ZCWPW2: variants seen among roughly 807,000 people sequenced by gnomAD.
ZCWPW2 encodes the protein zinc finger CW-type and PWWP domain containing 2, also known as zinc finger CW-type PWWP domain protein 2.
Under a neutral mutation model 46.6 loss-of-function variants are expected in ZCWPW2, and 45 were observed. That is an observed-to-expected ratio of 0.96 (90% CI 0.76 to 1.24). ZCWPW2 has a LOEUF of 1.24. Among genes scored for constraint, ZCWPW2 ranks in the 50% most tolerant of loss-of-function variants. ZCWPW2 has a pLI of 0.00. For missense variants in ZCWPW2, 429 were observed against 403.9 expected (o/e 1.06, Z -0.53); for synonymous variants, 152 against 137.1 (o/e 1.11, Z -0.76).
intron 5 of ZCWPW2, among the ~76,000 whole-genome samples, chr3:28,484,820 C>G (rs181528820): frequency 6.6e-6 from 1 of 151,824 alleles, no homozygotes; most frequent in African/African-American, 2.4e-5. Flanking sequence ...CTGCCTTCCT[C>G]TCTAGAGTCT....
chr3:28,487,762 G>A (rs988697203), intron 5 of ZCWPW2, among the ~76,000 whole-genome samples: 1 of 152,122 alleles, frequency 6.6e-6, no homozygotes, highest in Non-Finnish European at 1.5e-5. Context: ...GGGAGGGAAA[G>A]CATTCTATGT....
chr3:28,401,248 TGAATG>T (rs1191750894), intron 2 of ZCWPW2, among the ~76,000 whole-genome samples: 1 of 151,582 alleles, frequency 6.6e-6, no homozygotes, highest in Non-Finnish European at 1.5e-5. Flanking sequence ...GATAGAAAGA[TGAATG>T]GAATGGAACC....
chr3:28,487,889 A>AGTATTTT (rs1016340555), intron 5 of ZCWPW2, among the ~76,000 whole-genome samples: 48 of 152,146 alleles, frequency 3.2e-4, no homozygotes, highest in African/African-American at 1.0e-3. Context: ...GCTGGAGTTG[A>AGTATTTT]GTATTTTGCT....
chr3:28,523,809 A>G (rs1700784429), intron 9 of ZCWPW2, among the ~76,000 whole-genome samples: 1 of 152,136 alleles, frequency 6.6e-6, no homozygotes, highest in South Asian at 2.1e-4. Flanking sequence ...TTAAGCTAAT[A>G]TTAACATTGG....
chr3:28,476,916 C>T (rs969072227), intron 4 of ZCWPW2, among the ~76,000 whole-genome samples: 2 of 152,054 alleles, frequency 1.3e-5, no homozygotes, highest in African/African-American at 4.8e-5. Flanking sequence ...CCACAGCTGA[C>T]GTGACAGGAG....
At chr3:28,406,826 CTTTTTT>C (rs11337849) in intron 2 of ZCWPW2, among the ~76,000 whole-genome samples, 1 of 119,984 alleles carries the variant, frequency 8.3e-6, no homozygotes. Context: ...TCTTTTTTTT[CTTTTTT>C]TTTTTTTTTT....
In ZCWPW2 at chr3:28,463,582, C is replaced by T. The variant is rs529303136; in HGVS notation, c.493-15232C>T. Among the ~76,000 whole-genome samples, 11 of 152,154 alleles carry T rather than the reference C, an allele frequency of 7.2e-5. No homozygotes were observed. In the East Asian group the frequency reaches 2.1e-3, roughly 29 times the overall value. The stretch of plus-strand genomic sequence containing the variant: ...CTAAGTACAAAAATAATTATTTTTG[C>T]ATTGCAAAGTGAGGTACAAGAGTAT... On this transcript the variant is annotated intron_variant, in intron 4 of 9. Coordinates refer to ENST00000383768, the MANE Select transcript of ZCWPW2 (RefSeq NM_001040432.4).
chr3:28,424,479 T>G (rs2125751790), intron 3 of ZCWPW2, among the ~76,000 whole-genome samples: 1 of 152,172 alleles, frequency 6.6e-6, no homozygotes, highest in Non-Finnish European at 1.5e-5. Context: ...ACTGGCATCC[T>G]TATAAGAAGA....
intron 2 of ZCWPW2, among the ~76,000 whole-genome samples, chr3:28,406,816 T>C (rs556811455): frequency 1.5e-5 from 2 of 135,802 alleles, no homozygotes; most frequent in Non-Finnish European, 3.1e-5. Flanking sequence ...AATTTCCTTT[T>C]CTTTTTTTTC....
rs762824707 is a variant in ZCWPW2, at chr3:28,417,057, CTTTTTTT to C, written c.332+3668_332+3674del. On this transcript the variant is annotated intron_variant, in intron 3 of 9. Coordinates refer to ENST00000383768, the MANE Select transcript of ZCWPW2 (RefSeq NM_001040432.4). The stretch of plus-strand genomic sequence containing the variant: ...AAATGAGTTAGGCAGGATTCCCTCT[CTTTTTTT>C]TTTTTTTTTTGAAAAGGTCAACAAA... 6.4e-5 allele frequency among the ~76,000 whole-genome samples: 8 copies of C among 124,686 alleles called. No homozygotes were observed. In the South Asian group the frequency reaches 1.6e-3, roughly 24 times the overall value. The allele number at this position is 124,686 out of a possible 152,430, so 81.8% of individuals were successfully genotyped here.
At chr3:28,420,486 C>A (rs888451407) in intron 3 of ZCWPW2, among the ~76,000 whole-genome samples, 1 of 151,906 alleles carries the variant, frequency 6.6e-6, no homozygotes, top group African/African-American at 2.4e-5. Context: ...GGCCCTGTGT[C>A]TTTTATTCCC....
At chr3:28,406,404 A>C (rs1490058004) in intron 2 of ZCWPW2, among the ~76,000 whole-genome samples, 1 of 152,098 alleles carries the variant, frequency 6.6e-6, no homozygotes, top group Non-Finnish European at 1.5e-5. Context: ...TTTTGTAGTG[A>C]CTGTTGTCCA....
chr3:28,379,758 T>TA (rs992932981), intron 1 of ZCWPW2, among the ~76,000 whole-genome samples: 9 of 150,592 alleles, frequency 6.0e-5, no homozygotes, highest in African/African-American at 7.3e-5. Flanking sequence ...AGTTGTTAAA[T>TA]AAAAAAAAAT....
chr3:28,406,498 G>A (rs1373178526), intron 2 of ZCWPW2, among the ~76,000 whole-genome samples: 1 of 152,188 alleles, frequency 6.6e-6, no homozygotes, highest in East Asian at 1.9e-4. Flanking sequence ...TAGAGGCAAT[G>A]ACAACTACAT....
At chr3:28,360,030 C>T (rs558360018) in intron 1 of ZCWPW2, among the ~76,000 whole-genome samples, 5 of 151,824 alleles carry the variant, frequency 3.3e-5, no homozygotes, top group South Asian at 4.2e-4. Flanking sequence ...GTAGACTACT[C>T]GAAACAAAGA....
chr3:28,380,249 G>C (rs1460833719), intron 1 of ZCWPW2, among the ~76,000 whole-genome samples: 2 of 152,108 alleles, frequency 1.3e-5, no homozygotes, highest in Admixed American at 1.3e-4. Flanking sequence ...CTCCCAAAGT[G>C]CTGGGATTAC....
At chr3:28,360,804 AAAAG>A (rs1704913186) in intron 1 of ZCWPW2, among the ~76,000 whole-genome samples, 1 of 152,164 alleles carries the variant, frequency 6.6e-6, no homozygotes, top group Non-Finnish European at 1.5e-5. Flanking sequence ...AGGGACCTTG[AAAAG>A]AAAAAAAAGC....
At chr3:28,452,038 G>C (rs1479107575) in intron 4 of ZCWPW2, among the ~76,000 whole-genome samples, 1 of 152,146 alleles carries the variant, frequency 6.6e-6, no homozygotes, top group East Asian at 1.9e-4. Flanking sequence ...CTGGAGAAAG[G>C]TTGAAGGAAT....
chr3:28,436,718 T>C lies in ZCWPW2; in HGVS notation c.492+1449T>C, dbSNP rs184007515. Among the ~76,000 whole-genome samples the C allele has an allele frequency of 1.1e-3, 175 of 152,290 alleles. 1 individual carries two copies. Among genetic ancestry groups the C allele is most frequent in the Non-Finnish European group, 1.5e-3 (101 of 68,026 alleles). ...TAAGTATGGAATAACACCATATAAA[T>C]CAATTTCATGCTAGTTGTGATCCAG... On this transcript the variant is annotated intron_variant, in intron 4 of 9. Transcript: ENST00000383768.
Sources: allele counts gnomAD v4.1 joint callset (sites outside exome capture counted in the v4.1 genomes callset), GRCh38; gene constraint gnomAD v4.1.1; transcripts MANE v1.5; gene names NCBI Gene and HGNC (gene_info 2026-07-23, HGNC 2026-07-21).